MYO16: variants seen among roughly 807,000 people sequenced by gnomAD.
The protein encoded by MYO16 is unconventional myosin-XVI.
MYO16 carries 94 observed loss-of-function variants against 205.3 expected under a neutral mutation model. The ratio of observed to expected loss-of-function variants is 0.46; its 90% CI spans 0.39 to 0.54. The LOEUF (loss-of-function observed/expected upper bound fraction) is 0.54, where lower values mean the gene tolerates loss of function less well. Among genes scored for constraint, MYO16 ranks in the 20% least tolerant of loss-of-function variants. MYO16 has a pLI of 0.00. For missense variants in MYO16, 2,315 were observed against 2,387.5 expected (o/e 0.97, Z 0.63); for synonymous variants, 988 against 954.0 (o/e 1.04, Z -0.66).
At chr13:108,819,011 A>G (rs905785349) in intron 7 of MYO16, among the ~76,000 whole-genome samples, 1 of 152,210 alleles carries the variant, frequency 6.6e-6, no homozygotes, top group African/African-American at 2.4e-5. Context: ...TAGGAGTAGG[A>G]GTGTAAATCT....
intron 31 of MYO16, among the ~76,000 whole-genome samples, chr13:109,139,977 A>G (rs1876962442): frequency 6.6e-6 from 1 of 151,984 alleles, no homozygotes; most frequent in East Asian, 1.9e-4. Flanking sequence ...GTAGCAGCAG[A>G]AGTGGTGGTC....
chr13:109,155,584 C>T (rs2139847930), intron 32 of MYO16, among the ~76,000 whole-genome samples: 1 of 152,306 alleles, frequency 6.6e-6, no homozygotes, highest in South Asian at 2.1e-4. Flanking sequence ...TGGGTAACAG[C>T]TGTGTCACAA....
intron 28 of MYO16, among the ~76,000 whole-genome samples, chr13:109,108,897 G>T (rs1325666860): frequency 6.6e-6 from 1 of 152,216 alleles, no homozygotes; most frequent in Non-Finnish European, 1.5e-5. Context: ...ACTGACAGGA[G>T]AGTAGGAGGG....
the MYO16 span, among the ~76,000 whole-genome samples, chr13:108,539,346 G>C: frequency 6.6e-6 from 1 of 152,020 alleles, no homozygotes; most frequent in African/African-American, 2.4e-5. Flanking sequence ...ACATTTCACT[G>C]GTATTGGTCA....
chr13:108,552,184 T>G, the MYO16 span, among the ~76,000 whole-genome samples: 3 of 152,156 alleles, frequency 2.0e-5, no homozygotes, highest in East Asian at 5.8e-4. Context: ...GCTACAGGCG[T>G]CTCTTGCACC....
intron 27 of MYO16, among the ~76,000 whole-genome samples, chr13:109,089,612 C>G (rs566475805): frequency 6.6e-6 from 1 of 152,178 alleles, no homozygotes; most frequent in Non-Finnish European, 1.5e-5. Context: ...GAACATCTAT[C>G]ATCCCATCTC....
intron 16 of MYO16, among the ~76,000 whole-genome samples, chr13:108,942,034 G>A (rs962397339): frequency 1.3e-5 from 2 of 152,074 alleles, no homozygotes; most frequent in African/African-American, 4.8e-5. Context: ...GGATTAATTG[G>A]CACAAATATA....
At chr13:108,762,456 C>T (rs139119244) in intron 4 of MYO16, among the ~76,000 whole-genome samples, 83 of 152,204 alleles carry the variant, frequency 5.5e-4, no homozygotes, top group African/African-American at 1.6e-3. Flanking sequence ...GTTACCTTCC[C>T]GCCAACAAGG....
chr13:109,150,800 G>A (rs186348971), intron 32 of MYO16, among the ~76,000 whole-genome samples: 1 of 152,274 alleles, frequency 6.6e-6, no homozygotes, highest in East Asian at 1.9e-4. Flanking sequence ...ATTGTATATT[G>A]TGTCTCTACA....
chr13:108,829,161 A>G (rs1241262100), intron 9 of MYO16, among the ~76,000 whole-genome samples: 1 of 152,194 alleles, frequency 6.6e-6, no homozygotes, highest in Non-Finnish European at 1.5e-5. Flanking sequence ...GCTCTGGTCT[A>G]ACCCTTGGCG....
At chr13:108,884,126 A>G (rs1879744627) in intron 13 of MYO16, among the ~76,000 whole-genome samples, 1 of 152,232 alleles carries the variant, frequency 6.6e-6, no homozygotes, top group African/African-American at 2.4e-5. Context: ...GTTGGAACTC[A>G]ACGGATAAGT....
chr13:108,720,613 G>T (rs1273161188), intron 3 of MYO16, among the ~76,000 whole-genome samples: 1 of 152,268 alleles, frequency 6.6e-6, no homozygotes, highest in South Asian at 2.1e-4. Flanking sequence ...TGGTAGAACT[G>T]TGCCTGGCAC....
Position 108,926,511 on chromosome 13 carries a change from G to A in MYO16, c.1925+16361G>A, listed in dbSNP as rs911874255. On this transcript the variant is annotated intron_variant, in intron 16 of 34. Coordinates refer to ENST00000457511, the MANE Select transcript of MYO16 (RefSeq NM_001198950.3). ...ACTCAAGGAGGCATCGTGCTCAGGCGCAGGAGAAGTGAAAAGCAGGGGTCG... is the reference window on the plus strand; with the variant it reads ...ACTCAAGGAGGCATCGTGCTCAGGCACAGGAGAAGTGAAAAGCAGGGGTCG... Among the ~76,000 whole-genome samples, 3 of 152,180 alleles carry A rather than the reference G, an allele frequency of 2.0e-5. 1 individual carries two copies. Among genetic ancestry groups the A allele is most frequent in the East Asian group, 3.9e-4 (2 of 5,166 alleles).
At chr13:108,684,339 C>A in intron 2 of MYO16, among the ~76,000 whole-genome samples, 1 of 152,120 alleles carries the variant, frequency 6.6e-6, no homozygotes, top group East Asian at 1.9e-4. Flanking sequence ...TTTGGATCCA[C>A]TGAGAAGTGA....
rs142554923 is a variant in MYO16 at position 109,061,279 on chromosome 13, G to T, written c.3335+5684G>T. The stretch of plus-strand genomic sequence containing the variant: ...TTACATTCGTGTGCCCACAAGAATA[G>T]CACTTTGAGTTTCCTTCAATAACTT... On this transcript the variant is annotated intron_variant, in intron 27 of 34. Transcript: ENST00000457511. Among the ~76,000 whole-genome samples, 51 of 152,290 alleles carry T rather than the reference G, an allele frequency of 3.3e-4. 1 individual carries two copies. Among genetic ancestry groups the T allele is most frequent in the East Asian group, 2.7e-3 (14 of 5,182 alleles).
chr13:108,707,306 AACATAGGGATCAATG>A (rs1471935433), intron 2 of MYO16, among the ~76,000 whole-genome samples: 20 of 152,132 alleles, frequency 1.3e-4, no homozygotes, highest in Admixed American at 7.9e-4. Flanking sequence ...GGATCAATGG[AACATAGGGATCAATG>A]ACATAGGGAT....
At chr13:109,019,089 G>A (rs537173039) in intron 22 of MYO16, among the ~76,000 whole-genome samples, 26 of 151,462 alleles carry the variant, frequency 1.7e-4, no homozygotes, top group Admixed American at 1.1e-3. Flanking sequence ...TCACCTCAGC[G>A]TCCTGAGAAA....
At chr13:108,630,215 A>G (rs1879916551) in intron 1 of MYO16, among the ~76,000 whole-genome samples, 1 of 152,064 alleles carries the variant, frequency 6.6e-6, no homozygotes, top group African/African-American at 2.4e-5. Flanking sequence ...GCACATGTTA[A>G]TAAAGTACAT....
At chr13:109,120,251 A>C (rs1487189650) in intron 28 of MYO16, 119 bp from the exon 29 acceptor site, 1 of 662,934 alleles carries the variant, frequency 1.5e-6, no homozygotes, top group Non-Finnish European at 2.6e-6. Context: ...CATGTACTCT[A>C]ATTTTCTGAG....
Sources: gnomAD v4.1 joint callset for allele counts (sites outside exome capture counted in the v4.1 genomes callset) on GRCh38, gnomAD v4.1.1 for gene constraint, MANE v1.5 for transcripts, NCBI Gene and HGNC (gene_info 2026-07-23, HGNC 2026-07-21) for gene names.